PLXDC2: variants seen among roughly 807,000 people sequenced by gnomAD.
The protein encoded by PLXDC2 is plexin domain containing 2, also known as plexin domain-containing protein 2.
A neutral mutation model predicts 68.9 loss-of-function variants in PLXDC2; 40 were observed. The ratio of observed to expected loss-of-function variants is 0.58; its 90% CI spans 0.45 to 0.76. The LOEUF (loss-of-function observed/expected upper bound fraction) is 0.76. PLXDC2 is among the 30% of genes least tolerant of loss of function. The probability of loss-of-function intolerance (pLI) is 0.00; values close to 1 mark genes in which losing one functional copy is unlikely to be tolerated. For missense variants in PLXDC2, 644 were observed against 661.9 expected (o/e 0.97, Z 0.30); for synonymous variants, 243 against 234.2 (o/e 1.04, Z -0.34).
At chr10:20,149,229 C>CCTTTTTTTTTTTTTTTTTTT (rs1834120053) in intron 6 of PLXDC2, among the ~76,000 whole-genome samples, 1 of 34,926 alleles carries the variant, frequency 2.9e-5, no homozygotes, top group African/African-American at 1.2e-4. Flanking sequence ...TTTTTCTTTT[C>CCTTTTTTTTTTTTTTTTTTT]TTTTTTTTTT....
chr10:20,080,249 G>A (rs1043493812), intron 4 of PLXDC2, among the ~76,000 whole-genome samples: 5 of 152,144 alleles, frequency 3.3e-5, no homozygotes, highest in African/African-American at 1.2e-4. Flanking sequence ...GAGATTGCAG[G>A]TTGTATTAGG....
chr10:20,196,971 G>T (rs1834847989), intron 9 of PLXDC2, among the ~76,000 whole-genome samples: 1 of 146,314 alleles, frequency 6.8e-6, no homozygotes, highest in African/African-American at 2.5e-5. Context: ...TGAAAAGAAA[G>T]TCAGATGTGG....
At chr10:20,078,620 A>G (rs972812909) in intron 4 of PLXDC2, among the ~76,000 whole-genome samples, 1 of 152,220 alleles carries the variant, frequency 6.6e-6, no homozygotes, top group Non-Finnish European at 1.5e-5. Flanking sequence ...AGGAAGAGCT[A>G]ATACTGATTG....
chr10:20,129,730 C>T (rs111239132), intron 4 of PLXDC2, among the ~76,000 whole-genome samples: 4,480 of 151,958 alleles, frequency 0.029, 96 homozygotes, highest in South Asian at 0.074. Context: ...TTTCTACTTG[C>T]GGATATCTAG....
At chr10:20,219,244 GA>G (rs1032444092) in intron 12 of PLXDC2, 142 bp downstream of exon 12, 7 of 855,310 alleles carry the variant, frequency 8.2e-6, no homozygotes, top group Non-Finnish European at 5.1e-6. Flanking sequence ...ACATGGGAAG[GA>G]GTCAGTGGGT....
At chr10:20,179,977 G>A (rs965253532) in intron 9 of PLXDC2, among the ~76,000 whole-genome samples, 1 of 152,156 alleles carries the variant, frequency 6.6e-6, no homozygotes, top group South Asian at 2.1e-4. Flanking sequence ...GGTTGCAGGT[G>A]CATTAAGCAA....
rs1360765990 is a variant in PLXDC2, at chr10:19,883,041, C to T, written c.112+65850C>T. Among the ~76,000 whole-genome samples, 5 of 150,630 alleles carry T rather than the reference C, an allele frequency of 3.3e-5. No individual in the cohort carries two copies. In the East Asian group the frequency reaches 9.8e-4, roughly 29 times the overall value. On this transcript the variant is annotated intron_variant, in intron 1 of 13. Transcript: ENST00000377252. Reference sequence around the variant, plus strand: ...GCTCGATCTCGGCTCACTACAAGCTCCGCCTCCCGGGTTCACGCCGTTCTC... The same window carrying T: ...GCTCGATCTCGGCTCACTACAAGCTTCGCCTCCCGGGTTCACGCCGTTCTC...
intron 2 of PLXDC2, among the ~76,000 whole-genome samples, chr10:20,010,475 AATTATAG>A: frequency 6.6e-6 from 1 of 152,308 alleles, no homozygotes; most frequent in East Asian, 1.9e-4. Flanking sequence ...TATCTTGCTC[AATTATAG>A]ATTATTCTTA....
intron 4 of PLXDC2, among the ~76,000 whole-genome samples, chr10:20,099,275 T>A (rs527553958): frequency 6.6e-6 from 1 of 152,270 alleles, no homozygotes; most frequent in East Asian, 1.9e-4. Flanking sequence ...TGTTAACATT[T>A]TGTAGTATAT....
At chr10:20,165,659 G>T (rs935067493) in intron 7 of PLXDC2, among the ~76,000 whole-genome samples, 5 of 152,100 alleles carry the variant, frequency 3.3e-5, no homozygotes, top group African/African-American at 9.7e-5. Context: ...TGAAAGAAAA[G>T]GTACAAATTT....
intron 2 of PLXDC2, among the ~76,000 whole-genome samples, chr10:20,042,538 G>GTATACATTTGA (rs1835700576): frequency 6.6e-6 from 1 of 152,072 alleles, no homozygotes; most frequent in African/African-American, 2.4e-5. Context: ...AAGTATCCAT[G>GTATACATTTGA]TATATCAAAT....
In PLXDC2 at chr10:20,071,890, A is replaced by G. The variant is rs78226579; in HGVS notation, c.541+3651A>G. Among the ~76,000 whole-genome samples the G allele has an allele frequency of 3.4e-3, 512 of 152,316 alleles. 4 individuals carry two copies. Among genetic ancestry groups the G allele is most frequent in the African/African-American group, 0.012 (498 of 41,568 alleles). ...AGAGGCAGTTGAGAAGAAGTGGAGAAGGAAGAGGCATTCCAGACAAGGGGA... is the reference window on the plus strand; with the variant it reads ...AGAGGCAGTTGAGAAGAAGTGGAGAGGGAAGAGGCATTCCAGACAAGGGGA... On this transcript the variant is annotated intron_variant, in intron 4 of 13. Coordinates refer to ENST00000377252, the MANE Select transcript of PLXDC2 (RefSeq NM_032812.9).
chr10:20,104,679 A>G (rs1331144634), intron 4 of PLXDC2, among the ~76,000 whole-genome samples: 2 of 151,886 alleles, frequency 1.3e-5, no homozygotes, highest in East Asian at 3.9e-4. Context: ...CACTATTAAC[A>G]TTGTTAAATG....
intron 1 of PLXDC2, among the ~76,000 whole-genome samples, chr10:19,897,546 A>C (rs1838081367): frequency 6.6e-6 from 1 of 152,172 alleles, no homozygotes; most frequent in Non-Finnish European, 1.5e-5. Context: ...CGCCGGGCCA[A>C]TTCCCTTCTT....
chr10:20,076,540 T>C (rs983180689), intron 4 of PLXDC2, among the ~76,000 whole-genome samples: 4 of 152,070 alleles, frequency 2.6e-5, no homozygotes, highest in African/African-American at 9.7e-5. Flanking sequence ...CATATGCTAA[T>C]ACTGCATTTT....
chr10:19,931,174 AG>A (rs1833625468), intron 1 of PLXDC2, among the ~76,000 whole-genome samples: 1 of 152,202 alleles, frequency 6.6e-6, no homozygotes, highest in Non-Finnish European at 1.5e-5. Flanking sequence ...GGCAGGAAAA[AG>A]GTTTTCAAGG....
intron 13 of PLXDC2, among the ~76,000 whole-genome samples, chr10:20,257,328 C>A (rs1343504279): frequency 6.6e-6 from 1 of 152,098 alleles, no homozygotes; most frequent in East Asian, 1.9e-4. Context: ...ATTCTGATTC[C>A]ACAGTATTGT....
rs752472328 is a variant in PLXDC2 at position 20,217,531 on chromosome 10, A to G, written c.1228A>G (p.Arg410Gly). The G allele has an allele frequency of 1.2e-6, 2 of 1,602,128 alleles. No homozygotes were observed. Among genetic ancestry groups the G allele is most frequent in the East Asian group, 4.5e-5 (2 of 44,038 alleles). Residue 410 changes from arginine to glycine, a missense_variant, in exon 11 of 14, where the codon AGA becomes GGA. Physicochemically the swap from Arg to Gly is moderately radical, Grantham distance 125 (BLOSUM62 -2). This residue lies in a region of PLXDC2 where 330 missense variants were observed against 327.9 expected (regional missense o/e 1.01). Coordinates refer to ENST00000377252, the MANE Select transcript of PLXDC2 (RefSeq NM_032812.9). ...TTQFRVLTTT[R>G]RAVTSQFPTS... ...CCAGTTCAGGGTCCTAACTACCACC[A>G]GAAGAGCAGTGACTTCTCAGTTTCC...
chr10:20,254,499 C>T (rs1835717888), intron 13 of PLXDC2, among the ~76,000 whole-genome samples: 1 of 152,040 alleles, frequency 6.6e-6, no homozygotes, highest in African/African-American at 2.4e-5. Flanking sequence ...CTGAGTTTTG[C>T]TCTTCAGGTA....
Sources: allele counts gnomAD v4.1 joint callset (sites outside exome capture counted in the v4.1 genomes callset), GRCh38; gene constraint gnomAD v4.1.1; regional missense constraint gnomAD v4.1.1; transcripts MANE v1.5; gene names NCBI Gene and HGNC (gene_info 2026-07-23, HGNC 2026-07-21).